The following SGCZ variants were observed in gnomAD, a reference collection of about 807,000 sequenced individuals.
The protein encoded by SGCZ is sarcoglycan zeta.
A neutral mutation model predicts 41.3 loss-of-function variants in SGCZ; 40 were observed. The ratio of observed to expected loss-of-function variants is 0.97; its 90% CI spans 0.75 to 1.26. The LOEUF is 1.26. Ranked by LOEUF, SGCZ falls within the 50% of genes most tolerant of loss-of-function variation. The probability of loss-of-function intolerance (pLI) is 0.00; values close to 1 mark genes in which losing one functional copy is unlikely to be tolerated. For missense variants in SGCZ, 552 were observed against 369.8 expected, an observed-to-expected ratio of 1.49 and a Z score of -4.04; for synonymous variants, 206 against 137.5, an observed-to-expected ratio of 1.50 and a Z score of -3.49.
At chr8:14,660,593 G>C (rs780404704) in intron 1 of SGCZ, among the ~76,000 whole-genome samples, 1 of 126,972 alleles carries the variant, frequency 7.9e-6, no homozygotes, top group Admixed American at 7.5e-5. Flanking sequence ...AAAAAAAAGA[G>C]AGAAAAGAAA....
chr8:14,690,187 T>C (rs1453255943), intron 1 of SGCZ, among the ~76,000 whole-genome samples: 1 of 151,610 alleles, frequency 6.6e-6, no homozygotes, highest in Non-Finnish European at 1.5e-5. Flanking sequence ...TATAGGATAC[T>C]ACAGGAAGCA....
At chr8:14,939,293 T>A (rs1241867947) in intron 1 of SGCZ, among the ~76,000 whole-genome samples, 1 of 152,128 alleles carries the variant, frequency 6.6e-6, no homozygotes, top group African/African-American at 2.4e-5. Context: ...TGTCTCCATT[T>A]ATACTGTAAG....
At chr8:14,293,045 G>C (rs910331144) in intron 3 of SGCZ, among the ~76,000 whole-genome samples, 1 of 151,868 alleles carries the variant, frequency 6.6e-6, no homozygotes, top group Admixed American at 6.6e-5. Flanking sequence ...AAATAAATAC[G>C]GTGATTAACC....
At chr8:15,165,104 A>T (rs915282509) in intron 1 of SGCZ, among the ~76,000 whole-genome samples, 2 of 152,152 alleles carry the variant, frequency 1.3e-5, no homozygotes, top group Admixed American at 1.3e-4. Flanking sequence ...AGCCTGACCA[A>T]CATGGTGAAA....
chr8:14,102,106 T>TATATA (rs1491151875), intron 7 of SGCZ, among the ~76,000 whole-genome samples: 5 of 36,650 alleles, frequency 1.4e-4, no homozygotes, highest in African/African-American at 5.8e-4. Context: ...ATATATATAA[T>TATATA]TTTTTTTTTT....
intron 4 of SGCZ, among the ~76,000 whole-genome samples, chr8:14,183,918 T>A (rs1458264352): frequency 4.6e-5 from 7 of 152,076 alleles, no homozygotes; most frequent in Non-Finnish European, 1.0e-4. Context: ...TGACTCTCTA[T>A]GTAAAAAAAT....
chr8:14,883,908 T>C (rs929375330), intron 1 of SGCZ, among the ~76,000 whole-genome samples: 1 of 151,932 alleles, frequency 6.6e-6, no homozygotes, highest in Non-Finnish European at 1.5e-5. Context: ...TTCTGTTTAC[T>C]GAAGTAAGAA....
intron 1 of SGCZ, among the ~76,000 whole-genome samples, chr8:15,060,011 C>A (rs903040817): frequency 2.0e-5 from 3 of 152,188 alleles, no homozygotes; most frequent in Non-Finnish European, 4.4e-5. Context: ...CATCTCTATA[C>A]TAGGCCATTC....
At position 14,088,849 on chromosome 8, in the gene SGCZ, C is replaced by T. The variant is rs567897969; in HGVS notation, c.*1594G>A. 7.2e-5 allele frequency among the ~76,000 whole-genome samples: 11 copies of T among 151,992 alleles called. No individual in the cohort carries two copies. The highest frequency in any genetic ancestry group is 1.2e-4 in the Non-Finnish European group (8 of 67,878). On this transcript the variant is annotated 3_prime_UTR_variant, in exon 8 of 8. Transcript: ENST00000382080. ...CTAACCACATCTTTTGCAACAAGTT[C>T]TAATCTCCCAGTTCACTCTGAGCTG...
chr8:14,107,602 C>T (rs1040806550), intron 6 of SGCZ, among the ~76,000 whole-genome samples: 4 of 152,008 alleles, frequency 2.6e-5, no homozygotes, highest in Admixed American at 6.6e-5. Flanking sequence ...TTATATATGT[C>T]GGATTTTCCA....
intron 1 of SGCZ, among the ~76,000 whole-genome samples, chr8:14,766,727 A>ATTTTTTTT (rs33955290): frequency 3.0e-3 from 277 of 92,646 alleles, no homozygotes; most frequent in Non-Finnish European, 3.7e-3. Context: ...ATGTCCAGCT[A>ATTTTTTTT]TTTTTTTTTT....
At chr8:15,172,152 C>CTGTT (rs1799851548) in intron 1 of SGCZ, among the ~76,000 whole-genome samples, 1 of 70,560 alleles carries the variant, frequency 1.4e-5, no homozygotes, top group Non-Finnish European at 2.7e-5. Context: ...CTTTTATACT[C>CTGTT]TGTTTTTTTT....
At chr8:14,795,549 C>T (rs190248175) in intron 1 of SGCZ, among the ~76,000 whole-genome samples, 113 of 152,184 alleles carry the variant, frequency 7.4e-4, no homozygotes, top group Non-Finnish European at 1.3e-4. Context: ...CACAAGGAAG[C>T]GTTCCACCTC....
At chr8:14,674,592 C>A (rs1808210797) in intron 1 of SGCZ, among the ~76,000 whole-genome samples, 1 of 152,120 alleles carries the variant, frequency 6.6e-6, no homozygotes, top group Admixed American at 6.5e-5. Context: ...GTTTGGGTTA[C>A]TTTCCCACCC....
intron 2 of SGCZ, among the ~76,000 whole-genome samples, chr8:14,351,654 A>T (rs1237426605): frequency 6.6e-6 from 1 of 151,904 alleles, no homozygotes; most frequent in East Asian, 1.9e-4. Context: ...GGCAAATACA[A>T]AGATAGATGA....
intron 7 of SGCZ, among the ~76,000 whole-genome samples, chr8:14,102,092 ATATATATATATAAT>A (rs1563127084): frequency 9.7e-6 from 1 of 103,330 alleles, no homozygotes; most frequent in Non-Finnish European, 1.9e-5. Flanking sequence ...ATATATATAT[ATATATATATATAAT>A]TTTTTTTTTT....
At chr8:14,631,216 G>A (rs1806641676) in intron 1 of SGCZ, among the ~76,000 whole-genome samples, 1 of 151,872 alleles carries the variant, frequency 6.6e-6, no homozygotes, top group Non-Finnish European at 1.5e-5. Flanking sequence ...AGTCTGAACC[G>A]ATCAAACATG....
chr8:14,218,075 G>A (rs1438714480), intron 4 of SGCZ, among the ~76,000 whole-genome samples: 4 of 152,102 alleles, frequency 2.6e-5, no homozygotes, highest in African/African-American at 9.7e-5. Context: ...AACAAGAAAG[G>A]ATATCTACTT....
intron 2 of SGCZ, among the ~76,000 whole-genome samples, chr8:14,373,815 C>G (rs1804003212): frequency 1.3e-5 from 2 of 151,874 alleles, no homozygotes; most frequent in South Asian, 2.1e-4. Context: ...TAGCAGAGAA[C>G]TGGAATGAAA....
Sources: allele counts gnomAD v4.1 joint callset (sites outside exome capture counted in the v4.1 genomes callset), GRCh38; gene constraint gnomAD v4.1.1; transcripts MANE v1.5; gene names NCBI Gene and HGNC (gene_info 2026-07-23, HGNC 2026-07-21).